Variants in ROCK1 observed in about 807,000 individuals in gnomAD.
ROCK1 encodes the protein rho-associated protein kinase 1.
Under a neutral mutation model 196.8 loss-of-function variants are expected in ROCK1, and 36 were observed. The ratio of observed to expected loss-of-function variants is 0.18; its 90% CI spans 0.14 to 0.24. The LOEUF (loss-of-function observed/expected upper bound fraction) is 0.24. Among genes scored for constraint, ROCK1 ranks in the 10% least tolerant of loss-of-function variants. The pLI is 1.00. For missense variants in ROCK1, 920 were observed against 1,562.0 expected, an observed-to-expected ratio of 0.59 and a Z score of 6.93; for synonymous variants, 443 against 515.9, an observed-to-expected ratio of 0.86 and a Z score of 1.91.
intron 22 of ROCK1, among the ~76,000 whole-genome samples, chr18:20,976,223 G>A (rs2035479117): frequency 6.6e-6 from 1 of 152,186 alleles, no homozygotes; most frequent in Admixed American, 6.5e-5. Flanking sequence ...AATATTTAAG[G>A]TCAATCTCTC....
chr18:21,018,790 A>G (rs1207849536), intron 12 of ROCK1, among the ~76,000 whole-genome samples: 1 of 152,130 alleles, frequency 6.6e-6, no homozygotes, highest in African/African-American at 2.4e-5. Flanking sequence ...TCTGTCACAA[A>G]ATTACCAGTG....
intron 2 of ROCK1, among the ~76,000 whole-genome samples, chr18:21,063,800 G>C (rs1275508642): frequency 6.6e-6 from 1 of 152,178 alleles, no homozygotes; most frequent in African/African-American, 2.4e-5. Context: ...GAAAAAGAGG[G>C]AAAGTCAAGC....
chr18:20,988,353 TC>T (rs1161792112), intron 18 of ROCK1, among the ~76,000 whole-genome samples: 6 of 151,994 alleles, frequency 3.9e-5, no homozygotes. Flanking sequence ...CAGGTGTGGG[TC>T]CCCGCACCCG....
In ROCK1 at chr18:21,042,722, G is replaced by A. The variant is rs373079082; in HGVS notation, c.676-13C>T. The A allele has an allele frequency of 3.2e-6, 5 of 1,579,424 alleles. No individual in the cohort carries two copies. The highest frequency in any genetic ancestry group is 3.4e-6 in the Non-Finnish European group (4 of 1,164,100). ...GTACCATGCCTTCCTAAAAAGCGCGGCAGGTCAAATTTTGAATTAGGATAT... is the reference window on the plus strand; with the variant it reads ...GTACCATGCCTTCCTAAAAAGCGCGACAGGTCAAATTTTGAATTAGGATAT... On this transcript the variant is annotated splice_polypyrimidine_tract_variant and intron_variant, in intron 6 of 32. Coordinates refer to ENST00000399799, the MANE Select transcript of ROCK1 (RefSeq NM_005406.3).
chr18:21,032,959 G>A (rs1400985072), intron 9 of ROCK1, among the ~76,000 whole-genome samples: 1 of 152,104 alleles, frequency 6.6e-6, no homozygotes, highest in Non-Finnish European at 1.5e-5. Flanking sequence ...CACTTTGGAA[G>A]GCCAAGGGAG....
intron 8 of ROCK1, 57 bp from the exon 9 acceptor site, chr18:21,039,620 G>T: frequency 1.6e-6 from 2 of 1,226,594 alleles, no homozygotes; most frequent in Non-Finnish European, 2.4e-6. Context: ...ATTATAACCT[G>T]TCCAGGTTTA....
chr18:21,026,732 T>C (rs949130061), intron 10 of ROCK1, among the ~76,000 whole-genome samples: 10 of 152,068 alleles, frequency 6.6e-5, no homozygotes, highest in Non-Finnish European at 1.2e-4. Flanking sequence ...CCCTTCACTT[T>C]AAAATAAGAT....
intron 13 of ROCK1, among the ~76,000 whole-genome samples, chr18:21,013,885 C>A (rs1175714012): frequency 6.6e-6 from 1 of 151,934 alleles, no homozygotes; most frequent in South Asian, 2.1e-4. Context: ...TACAGTGAAA[C>A]CCCATCTCTA....
At chr18:20,984,311 C>CA in intron 20 of ROCK1, 40 bp downstream of exon 20, 4 of 1,477,494 alleles carry the variant, frequency 2.7e-6, no homozygotes, top group Non-Finnish European at 3.7e-6. Flanking sequence ...ATGATGAACA[C>CA]AAAAAAGAAA....
At chr18:21,065,236 C>T (rs1256466041) in intron 2 of ROCK1, among the ~76,000 whole-genome samples, 2 of 152,184 alleles carry the variant, frequency 1.3e-5, no homozygotes, top group African/African-American at 2.4e-5. Flanking sequence ...AGTAATTGTA[C>T]TAGTGCCAAA....
intron 9 of ROCK1, among the ~76,000 whole-genome samples, chr18:21,034,854 A>G (rs1255529737): frequency 6.6e-6 from 1 of 152,202 alleles, no homozygotes; most frequent in Non-Finnish European, 1.5e-5. Context: ...GAGAATAGAA[A>G]ATATCTGCAA....
At chr18:21,108,537 C>T (rs1420594009) in intron 1 of ROCK1, among the ~76,000 whole-genome samples, 1 of 152,182 alleles carries the variant, frequency 6.6e-6, no homozygotes, top group Non-Finnish European at 1.5e-5. Context: ...TAGGCCTATT[C>T]TTCACAAGCA....
Position 20,980,533 on chromosome 18 carries a change from A to T in ROCK1, c.2560-529T>A, listed in dbSNP as rs540262884. Among the ~76,000 whole-genome samples the T allele has an allele frequency of 2.6e-5, 4 of 152,346 alleles. No homozygotes were observed. In the East Asian group the frequency reaches 7.7e-4, roughly 29 times the overall value. ...TTTTGCAGTGAAAAAAAAATGTTCC[A>T]CATGTTGACTGTGGTGGTGGTCACA... On this transcript the variant is annotated intron_variant, in intron 21 of 32. Transcript: ENST00000399799.
chr18:21,042,070 T>A, intron 8 of ROCK1, 27 bp downstream of exon 8: 1 of 1,590,714 alleles, frequency 6.3e-7, no homozygotes, highest in South Asian at 1.2e-5. Context: ...TCAGAATTAA[T>A]ACAGGCTCAG....
chr18:21,083,525 T>A (rs2036499422), intron 1 of ROCK1, among the ~76,000 whole-genome samples: 1 of 150,316 alleles, frequency 6.7e-6, no homozygotes, highest in African/African-American at 2.5e-5. Context: ...TGAGTCCACT[T>A]ATACCTCCTT....
intron 6 of ROCK1, among the ~76,000 whole-genome samples, chr18:21,043,817 T>C (rs1163536403): frequency 6.6e-6 from 1 of 151,962 alleles, no homozygotes; most frequent in Admixed American, 6.5e-5. Flanking sequence ...CTAATTCCAT[T>C]CCTAGTTACC....
intron 1 of ROCK1, among the ~76,000 whole-genome samples, chr18:21,085,114 A>G (rs2036515317): frequency 6.6e-6 from 1 of 152,198 alleles, no homozygotes. Context: ...TAAAAGAGTT[A>G]CTGTTTAATG....
At chr18:21,030,943 TAAC>T (rs1168130386) in intron 9 of ROCK1, among the ~76,000 whole-genome samples, 1 of 152,092 alleles carries the variant, frequency 6.6e-6, no homozygotes. Flanking sequence ...AAAAAACTAA[TAAC>T]AAGCAAGGAG....
intron 29 of ROCK1, among the ~76,000 whole-genome samples, chr18:20,955,827 A>T (rs558874050): frequency 6.7e-6 from 1 of 149,534 alleles, no homozygotes; most frequent in African/African-American, 2.5e-5. Flanking sequence ...TGGGAAAAAA[A>T]GCTGATCAGA....
Sources: gnomAD v4.1 joint callset for allele counts (sites outside exome capture counted in the v4.1 genomes callset) on GRCh38, gnomAD v4.1.1 for gene constraint, MANE v1.5 for transcripts, NCBI Gene and HGNC (gene_info 2026-07-23, HGNC 2026-07-21) for gene names.